TDRD5: variants seen among roughly 807,000 people sequenced by gnomAD.
TDRD5 encodes tudor domain containing 5, also known as tudor domain-containing protein 5.
TDRD5 carries 41 observed loss-of-function variants against 120.6 expected under a neutral mutation model. The ratio of observed to expected loss-of-function variants is 0.34; its 90% confidence interval spans 0.26 to 0.44. The LOEUF is 0.44. TDRD5 is among the 20% of genes least tolerant of loss of function. The pLI is 1.00. For missense variants in TDRD5, 1,006 were observed against 1,221.2 expected, an observed-to-expected ratio of 0.82 and a Z score of 2.63; for synonymous variants, 430 against 433.7, an observed-to-expected ratio of 0.99 and a Z score of 0.11.
At chr1:179,608,052 G>A (rs190843446) in intron 4 of TDRD5, among the ~76,000 whole-genome samples, 147 of 151,922 alleles carry the variant, frequency 9.7e-4, no homozygotes, top group African/African-American at 3.5e-3. Context: ...ATTTTTCCAG[G>A]TATAGAATTC....
At chr1:179,653,815 A>G (rs1297698058) in intron 13 of TDRD5, among the ~76,000 whole-genome samples, 3 of 152,122 alleles carry the variant, frequency 2.0e-5, no homozygotes, top group Admixed American at 1.3e-4. Flanking sequence ...TCATCTTTCA[A>G]GTGTTATCTT....
intron 17 of TDRD5, among the ~76,000 whole-genome samples, chr1:179,678,531 T>G (rs1323438897): frequency 6.6e-6 from 1 of 152,216 alleles, no homozygotes; most frequent in African/African-American, 2.4e-5. Flanking sequence ...TATAGAGTAG[T>G]CCTGCCTCCT....
chr1:179,652,878 C>CA (rs1678795366), intron 13 of TDRD5, among the ~76,000 whole-genome samples: 1 of 152,014 alleles, frequency 6.6e-6, no homozygotes, highest in Non-Finnish European at 1.5e-5. Context: ...GTTTCATGCA[C>CA]AAAATTATTT....
intron 16 of TDRD5, among the ~76,000 whole-genome samples, chr1:179,668,452 C>G (rs1446201764): frequency 6.6e-6 from 1 of 152,214 alleles, no homozygotes; most frequent in Non-Finnish European, 1.5e-5. Context: ...AACTTAACCA[C>G]TCTGTAAAAG....
In TDRD5 at chr1:179,616,371, A is replaced by G. The variant is rs922606625; in HGVS notation, c.832-2228A>G. Among the ~76,000 whole-genome samples the G allele has an allele frequency of 2.0e-5, 3 of 151,908 alleles. No individual in the cohort carries two copies. The South Asian group carries it at 6.2e-4, about 32-fold the overall frequency. On this transcript the variant is annotated intron_variant, in intron 4 of 17. Coordinates refer to ENST00000444136, the MANE Select transcript of TDRD5 (RefSeq NM_001199085.3). The stretch of plus-strand genomic sequence containing the variant: ...TTCCTTCCTCTCCATTGTCTTTCCT[A>G]ATTTCTCTGGATTCCACCTTTGTCA...
chr1:179,630,672 C>G (rs970777820), intron 6 of TDRD5, 95 bp from the exon 7 acceptor site: 1 of 1,324,676 alleles, frequency 7.5e-7, no homozygotes, highest in Non-Finnish European at 1.0e-6. Context: ...TTCATTGACC[C>G]TTTAAGATTT....
intron 6 of TDRD5, among the ~76,000 whole-genome samples, chr1:179,630,059 A>T (rs984350193): frequency 4.0e-5 from 6 of 150,474 alleles, no homozygotes; most frequent in Non-Finnish European, 7.4e-5. Context: ...GGCTCACTGC[A>T]AGCTCCACCT....
chr1:179,689,481 G>C (rs10082214), intron 17 of TDRD5, among the ~76,000 whole-genome samples: 5,599 of 152,308 alleles, frequency 0.037, 312 homozygotes, highest in African/African-American at 0.13. Context: ...GTGACTCCCA[G>C]TTAGGCTATT....
intron 6 of TDRD5, among the ~76,000 whole-genome samples, chr1:179,626,962 T>C (rs1186420024): frequency 6.6e-6 from 1 of 152,050 alleles, no homozygotes; most frequent in Non-Finnish European, 1.5e-5. Context: ...CAATATCAAC[T>C]CAGAATGACC....
chr1:179,610,002 T>C (rs771089403), intron 4 of TDRD5, among the ~76,000 whole-genome samples: 16 of 152,100 alleles, frequency 1.1e-4, no homozygotes, highest in Non-Finnish European at 1.3e-4. Flanking sequence ...CTACACCATA[T>C]CCTGAAAGCT....
intron 17 of TDRD5, among the ~76,000 whole-genome samples, chr1:179,679,731 T>C (rs958671013): frequency 1.3e-5 from 2 of 151,250 alleles, no homozygotes; most frequent in African/African-American, 4.9e-5. Context: ...TAGAGGTTTT[T>C]CCCCCCGATC....
At chr1:179,674,257 G>A (rs538344750) in intron 17 of TDRD5, among the ~76,000 whole-genome samples, 59 of 152,272 alleles carry the variant, frequency 3.9e-4, no homozygotes, top group Admixed American at 3.5e-3. Context: ...ATCATAAAGG[G>A]ATGCTGGATT....
intron 10 of TDRD5, 92 bp from the exon 11 acceptor site, chr1:179,640,287 C>G: frequency 1.4e-6 from 2 of 1,408,546 alleles, no homozygotes; most frequent in Non-Finnish European, 2.0e-6. Context: ...GTTTTAGTCT[C>G]TTATTAAGAA....
At position 179,595,059 on chromosome 1, in the gene TDRD5, G is replaced by GT. The variant is rs200335703; in HGVS notation, c.641-560dup. Reference sequence around the variant, plus strand: ...TGTTGTTTTTTTGTTTTTTGTTTTTGTTTTTTTTTGGTGAACTTGACCTTA... The same window carrying GT: ...TGTTGTTTTTTTGTTTTTTGTTTTTGTTTTTTTTTTGGTGAACTTGACCTTA... On this transcript the variant is annotated intron_variant, in intron 3 of 17. Transcript: ENST00000444136. 6.2e-3 allele frequency among the ~76,000 whole-genome samples: 931 copies of GT among 149,666 alleles called. 13 individuals are homozygous for GT. Among genetic ancestry groups the GT allele is most frequent in the East Asian group, 0.058 (299 of 5,118 alleles).
intron 2 of TDRD5, 127 bp from the exon 3 acceptor site, chr1:179,593,333 A>T: frequency 1.9e-6 from 2 of 1,032,978 alleles, no homozygotes; most frequent in Non-Finnish European, 1.4e-6. Context: ...ACCAAGAGTT[A>T]CTGTTTATCG....
At chr1:179,614,740 G>C (rs1255794386) in intron 4 of TDRD5, among the ~76,000 whole-genome samples, 1 of 151,924 alleles carries the variant, frequency 6.6e-6, no homozygotes, top group Non-Finnish European at 1.5e-5. Context: ...GTGACACTCG[G>C]GGGAGGGGGG....
At position 179,617,469 on chromosome 1, in the gene TDRD5, C is replaced by T. The variant is rs1336508549; in HGVS notation, c.832-1130C>T. Among the ~76,000 whole-genome samples, 3 of 151,914 alleles carry T rather than the reference C, an allele frequency of 2.0e-5. No individual in the cohort carries two copies. The East Asian group carries it at 5.8e-4, about 29-fold the overall frequency. On this transcript the variant is annotated intron_variant, in intron 4 of 17. Transcript: ENST00000444136. ...CATTTTTCAGGTGAAGAAACTGAGA[C>T]CTAAAAGGTTACACAGTTTGTAAGT...
intron 17 of TDRD5, among the ~76,000 whole-genome samples, chr1:179,682,345 T>C (rs1278012069): frequency 6.6e-6 from 1 of 152,154 alleles, no homozygotes; most frequent in Admixed American, 6.5e-5. Context: ...ACTGCACCCA[T>C]CAACCTGTCA....
At chr1:179,596,563 T>A (rs2101907741) in intron 4 of TDRD5, among the ~76,000 whole-genome samples, 1 of 152,362 alleles carries the variant, frequency 6.6e-6, no homozygotes, top group African/African-American at 2.4e-5. Context: ...ATAAATGGAA[T>A]CAAACAATAT....
Sources: allele counts gnomAD v4.1 joint callset (sites outside exome capture counted in the v4.1 genomes callset), GRCh38; gene constraint gnomAD v4.1.1; transcripts MANE v1.5; gene names NCBI Gene and HGNC (gene_info 2026-07-23, HGNC 2026-07-21).